The following SPATA6L variants were observed in gnomAD, a reference collection of about 807,000 sequenced individuals.
SPATA6L encodes the protein spermatogenesis associated 6-like protein.
In SPATA6L, 68 loss-of-function variants were observed where a neutral mutation model predicts 49.2. The ratio of observed to expected loss-of-function variants is 1.38; its 90% CI spans 1.14 to 1.69. The LOEUF is 1.69. SPATA6L is among the 40% of genes most tolerant of loss of function. The probability of loss-of-function intolerance (pLI) is 0.00; values close to 1 mark genes in which losing one functional copy is unlikely to be tolerated. For missense variants in SPATA6L, 668 were observed against 464.3 expected (o/e 1.44, Z -4.03); for synonymous variants, 198 against 165.7 (o/e 1.19, Z -1.50).
Position 4,622,445 on chromosome 9 carries a change from T to G in SPATA6L, c.735A>C (p.Lys245Asn). 1 of 1,613,910 alleles carries G rather than the reference T, an allele frequency of 6.2e-7. No homozygotes were observed. ...GAAACGGAAAGTCTGAAAACTTAGA[T>G]TTTCTTCTAGACCTCCTCAAATGAT... ...SEHHLRRSRRKSKFSDFPFPT... is the reference protein window; with the variant it reads ...SEHHLRRSRRNSKFSDFPFPT... The change falls in exon 7 of 12, where the codon AAA becomes AAC. Residue 245 changes from lysine to asparagine, a missense_variant. Coordinates refer to ENST00000682582, the MANE Select transcript of SPATA6L (RefSeq NM_001353486.2).
intron 7 of SPATA6L, among the ~76,000 whole-genome samples, chr9:4,621,785 G>C (rs897083940): frequency 2.0e-5 from 3 of 152,196 alleles, no homozygotes; most frequent in Non-Finnish European, 4.4e-5. Flanking sequence ...ACCGTACCCG[G>C]CCGTAGTCTG....
intron 3 of SPATA6L, among the ~76,000 whole-genome samples, chr9:4,636,377 A>G (rs960118604): frequency 6.6e-6 from 1 of 152,220 alleles, no homozygotes; most frequent in African/African-American, 2.4e-5. Context: ...TGATTATATT[A>G]ACTACAAATA....
intron 3 of SPATA6L, among the ~76,000 whole-genome samples, chr9:4,652,841 CAA>C (rs79392745): frequency 0.018 from 990 of 56,518 alleles, 7 homozygotes; most frequent in African/African-American, 0.05. Context: ...AATTCCGTCC[CAA>C]AAAAAAAAAA....
chr9:4,600,613 T>G lies in SPATA6L; in HGVS notation c.*198A>C, dbSNP rs3739644. 114,983 of 152,024 alleles carry G rather than the reference T, an allele frequency of 0.76. 43,828 individuals carry two copies. Among genetic ancestry groups the G allele is most frequent in the Middle Eastern group, 0.87 (257 of 294 alleles). 9.4% of individuals were successfully genotyped at this position (152,024 alleles called of 1,614,324 possible). On this transcript the variant is annotated 3_prime_UTR_variant, in exon 12 of 12. Coordinates refer to ENST00000682582, the MANE Select transcript of SPATA6L (RefSeq NM_001353486.2). ...ATTTTCCAGCTTGACAAGAAAATGT[T>G]AGCCCCCAAACAGCAAACACTTTAA...
intron 5 of SPATA6L, chr9:4,626,713 G>A: frequency 4.3e-6 from 2 of 463,334 alleles, no homozygotes; most frequent in East Asian, 7.1e-5. Flanking sequence ...GACCCTGGCT[G>A]ATATATCAGT....
At position 4,620,711 on chromosome 9, in the gene SPATA6L, T is replaced by A. The variant is rs1829088357; in HGVS notation, c.772+1697A>T. Among the ~76,000 whole-genome samples, 7 of 152,112 alleles carry A rather than the reference T, an allele frequency of 4.6e-5. No individual in the cohort carries two copies. In the South Asian group the frequency reaches 1.4e-3, roughly 31 times the overall value. On this transcript the variant is annotated intron_variant, in intron 7 of 11. Coordinates refer to ENST00000682582, the MANE Select transcript of SPATA6L (RefSeq NM_001353486.2). ...TGTGTGACCTTTACACACATTGTAA[T>A]CTCTCTGGAACCTTAGTTCTCCACA... is the stretch of plus-strand genomic sequence containing the variant.
chr9:4,617,908 G>T lies in SPATA6L; in HGVS notation c.995+15C>A. On this transcript the variant is annotated intron_variant, in intron 9 of 11. Coordinates refer to ENST00000682582, the MANE Select transcript of SPATA6L (RefSeq NM_001353486.2). Reference sequence around the variant, plus strand: ...ATGCACTCGTCAGGCAAACAGATGGGTGCTTGCCACTGACCTTTCTCTGAG... The same window carrying T: ...ATGCACTCGTCAGGCAAACAGATGGTTGCTTGCCACTGACCTTTCTCTGAG... 1 of 1,590,524 alleles carries T rather than the reference G, an allele frequency of 6.3e-7. No individual in the cohort carries two copies. Among genetic ancestry groups the T allele is most frequent in the South Asian group, 1.2e-5 (1 of 86,702 alleles).
chr9:4,627,826 C>T (rs1162943232), intron 5 of SPATA6L: 2 of 1,288,862 alleles, frequency 1.6e-6, no homozygotes, highest in African/African-American at 3.0e-5. Context: ...TACTGCAGCA[C>T]TATTCACAAT....
intron 9 of SPATA6L, among the ~76,000 whole-genome samples, chr9:4,605,996 C>T (rs545445850): frequency 6.9e-4 from 105 of 152,206 alleles, no homozygotes; most frequent in East Asian, 1.2e-3. Context: ...TTGCCTCACT[C>T]GGGAAGCGCA....
intron 9 of SPATA6L, among the ~76,000 whole-genome samples, chr9:4,613,960 C>A (rs1268816454): frequency 6.6e-6 from 1 of 152,182 alleles, no homozygotes; most frequent in African/African-American, 2.4e-5. Flanking sequence ...AAAACAGCCA[C>A]CAGCTAGATA....
intron 11 of SPATA6L, among the ~76,000 whole-genome samples, chr9:4,603,346 C>A (rs576566225): frequency 6.6e-6 from 1 of 152,276 alleles, no homozygotes; most frequent in East Asian, 1.9e-4. Context: ...AGGAGAATCA[C>A]TTGAACCTGG....
intron 3 of SPATA6L, among the ~76,000 whole-genome samples, chr9:4,649,052 T>C (rs1371624167): frequency 9.5e-6 from 1 of 105,094 alleles, no homozygotes; most frequent in East Asian, 3.1e-4. Flanking sequence ...TATAATGGAA[T>C]ATAGAAATAT....
intron 9 of SPATA6L, among the ~76,000 whole-genome samples, chr9:4,606,137 C>T (rs1161941557): frequency 3.3e-5 from 5 of 151,992 alleles, no homozygotes; most frequent in Admixed American, 6.5e-5. Context: ...CCACCTGGCT[C>T]GGAGGGTCCT....
At chr9:4,652,749 C>G (rs111454360) in intron 3 of SPATA6L, among the ~76,000 whole-genome samples, 5,168 of 146,788 alleles carry the variant, frequency 0.035, 278 homozygotes, top group African/African-American at 0.12. Context: ...GCTGAGGCAG[C>G]AGAATCACTT....
Position 4,635,400 on chromosome 9 carries a change from C to T in SPATA6L, c.227-1G>A, listed in dbSNP as rs373314234. On this transcript the variant is annotated splice_acceptor_variant, in intron 3 of 11. Coordinates refer to ENST00000682582, the MANE Select transcript of SPATA6L (RefSeq NM_001353486.2). LOFTEE classifies it high-confidence loss of function. ...TCGTAGTAGGCCAACTCATCCCACA[C>T]TAGAAAGAAAATAGAAAAAGCATAA... 5.7e-6 allele frequency: 9 copies of T among 1,573,680 alleles called. No individual in the cohort carries two copies. The African/African-American group carries it at 1.1e-4, about 20-fold the overall frequency.
In SPATA6L at chr9:4,599,376, C is replaced by G. The variant is rs181180307; in HGVS notation, c.*1435G>C. Among the ~76,000 whole-genome samples the G allele has an allele frequency of 6.6e-6, 1 of 152,250 alleles. No individual in the cohort carries two copies. Among genetic ancestry groups the G allele is most frequent in the African/African-American group, 2.4e-5 (1 of 41,544 alleles). On this transcript the variant is annotated 3_prime_UTR_variant, in exon 12 of 12. Coordinates refer to ENST00000682582, the MANE Select transcript of SPATA6L (RefSeq NM_001353486.2). ...TGTTTTTGTTTTTGGAGTTCCTTTT[C>G]TGTTTTAATTTTTAATTTCATTTTC... is the stretch of plus-strand genomic sequence containing the variant.
At chr9:4,657,132 G>A (rs955070551) in intron 2 of SPATA6L, among the ~76,000 whole-genome samples, 2 of 152,104 alleles carry the variant, frequency 1.3e-5, no homozygotes, top group Non-Finnish European at 2.9e-5. Context: ...TAAGCTCTAG[G>A]CCCTAAGAAA....
intron 4 of SPATA6L, chr9:4,633,634 A>G (rs900706929): frequency 1.3e-5 from 2 of 157,752 alleles, no homozygotes; most frequent in Non-Finnish European, 2.8e-5. Flanking sequence ...TAAGGGAAAT[A>G]AGAGAGAGGC....
At chr9:4,639,865 T>G (rs1159275191) in intron 3 of SPATA6L, among the ~76,000 whole-genome samples, 2 of 152,214 alleles carry the variant, frequency 1.3e-5, no homozygotes, top group Admixed American at 6.5e-5. Flanking sequence ...AGGATCACAT[T>G]TGATTCCCTC....
Sources: allele counts gnomAD v4.1 joint callset (sites outside exome capture counted in the v4.1 genomes callset), GRCh38; gene constraint gnomAD v4.1.1; transcripts MANE v1.5; gene names NCBI Gene and HGNC (gene_info 2026-07-23, HGNC 2026-07-21).